MYH14: variants seen among roughly 807,000 people sequenced by gnomAD.
The protein encoded by MYH14 is myosin-14.
A neutral mutation model predicts 255.5 loss-of-function variants in MYH14; 123 were observed. The observed-to-expected ratio is 0.48, with a 90% CI of 0.42 to 0.56. The LOEUF (loss-of-function observed/expected upper bound fraction) is 0.56. Among genes scored for constraint, MYH14 ranks in the 20% least tolerant of loss-of-function variants. The pLI is 0.00. For missense variants in MYH14, 2,423 were observed against 2,802.3 expected, an observed-to-expected ratio of 0.86 and a Z score of 3.06; for synonymous variants, 1,095 against 1,161.2, an observed-to-expected ratio of 0.94 and a Z score of 1.16.
intron 16 of MYH14, among the ~76,000 whole-genome samples, chr19:50,254,165 C>T (rs1021634668): frequency 6.7e-6 from 1 of 149,320 alleles, no homozygotes; most frequent in African/African-American, 2.5e-5. Context: ...TGTGGTGAGC[C>T]GAGATCGTGC....
At chr19:50,234,526 C>T (rs574269108) in intron 10 of MYH14, among the ~76,000 whole-genome samples, 18 of 152,122 alleles carry the variant, frequency 1.2e-4, no homozygotes, top group African/African-American at 3.9e-4. Flanking sequence ...TGCAAACAGC[C>T]GGGCCTCTTG....
In MYH14 at chr19:50,292,290, G is replaced by A. The variant is rs751173560; in HGVS notation, c.5157G>A (p.Val1719=). 6.2e-6 allele frequency: 10 copies of A among 1,601,668 alleles called. No individual in the cohort carries two copies. In the Admixed American group the frequency reaches 1.7e-4, roughly 27 times the overall value. The change falls in exon 37 of 43, where the codon GTG becomes GTA. Residue 1719 remains valine, a synonymous_variant. Transcript: ENST00000642316. The stretch of plus-strand genomic sequence containing the variant: ...AGATGAAGGAGCTATGGCGGGAGGT[G>A]GAGGAGACACGCACCTCCCGGGAGG... ...QAQMKELWRE[V]EETRTSREEI...
At position 50,280,252 on chromosome 19, in the gene MYH14, A is replaced by G. The variant is rs890379302; in HGVS notation, c.4159A>G (p.Arg1387Gly). ...ACAGGAGCTGCTGCAGGAGGAGACC[A>G]GGGCGAAATTGGCCTTGGGGTCCCG... ...DAQELLQEETRAKLALGSRVR... is the reference protein window; with the variant it reads ...DAQELLQEETGAKLALGSRVR... Residue 1387 changes from arginine to glycine, a missense_variant, in exon 32 of 43, where the codon AGG becomes GGG. Arg to Gly is a moderately radical substitution (Grantham distance 125, BLOSUM62 -2). Around this residue, in one of 3 missense-constraint regions of MYH14, gnomAD observed 1,513 missense variants for 1,674.8 expected, o/e 0.90. Transcript: ENST00000642316. The surrounding 1 kb of genome is among the most constrained non-coding windows in gnomAD (Gnocchi z 4.8). 1 of 1,551,774 alleles carries G rather than the reference A, an allele frequency of 6.4e-7. No homozygotes were observed. Among genetic ancestry groups the G allele is most frequent in the Non-Finnish European group, 8.7e-7 (1 of 1,147,008 alleles).
chr19:50,288,988 A>C (rs1331281321), intron 34 of MYH14, among the ~76,000 whole-genome samples: 3 of 152,158 alleles, frequency 2.0e-5, no homozygotes, highest in Non-Finnish European at 4.4e-5. Context: ...AGAAGTAGAT[A>C]GTGGGTCGGT....
At chr19:50,232,909 T>G (rs1295058480) in intron 10 of MYH14, among the ~76,000 whole-genome samples, 1 of 151,898 alleles carries the variant, frequency 6.6e-6, no homozygotes, top group African/African-American at 2.4e-5. Context: ...GACTTTGTCC[T>G]GGGGTGCTGG....
Position 50,263,428 on chromosome 19 carries a change from C to T in MYH14, c.2694+8C>T, listed in dbSNP as rs2034962833. The stretch of plus-strand genomic sequence containing the variant: ...TGGCGGCTGTTTACCAAGGTGAGGG[C>T]AGCCTGGGGAGGTGGCCCCAGTAGG... On this transcript the variant is annotated splice_region_variant and intron_variant, in intron 22 of 42. Transcript: ENST00000642316. 2.5e-6 allele frequency: 4 copies of T among 1,583,304 alleles called. No individual in the cohort carries two copies. Among genetic ancestry groups the T allele is most frequent in the Non-Finnish European group, 2.6e-6 (3 of 1,164,628 alleles).
intron 10 of MYH14, among the ~76,000 whole-genome samples, chr19:50,234,388 CA>C (rs1429109891): frequency 6.6e-6 from 1 of 152,156 alleles, no homozygotes; most frequent in African/African-American, 2.4e-5. Context: ...TGGGCTGAGC[CA>C]GGGCCGCCTC....
chr19:50,222,852 G>C (rs569491544), intron 3 of MYH14, among the ~76,000 whole-genome samples: 1 of 152,168 alleles, frequency 6.6e-6, no homozygotes, highest in African/African-American at 2.4e-5. Context: ...TCCATTTTAC[G>C]GGTGAGGAAA....
intron 10 of MYH14, among the ~76,000 whole-genome samples, chr19:50,233,817 A>AC (rs1385579013): frequency 8.0e-5 from 9 of 111,964 alleles, no homozygotes; most frequent in East Asian, 5.5e-4. Flanking sequence ...CCTCCCCCCG[A>AC]CCCCCCCGCC....
rs760791331 is a variant in MYH14, at chr19:50,309,672, T to C, written c.5993T>C (p.Val1998Ala). 5.0e-6 allele frequency: 8 copies of C among 1,600,066 alleles called. No individual in the cohort carries two copies. The highest frequency in any genetic ancestry group is 6.8e-6 in the Non-Finnish European group (8 of 1,173,166). The change falls in exon 43 of 43, where the codon GTG becomes GCG. Residue 1998 changes from valine to alanine, a missense_variant. This residue lies in a region of MYH14 where 1,513 missense variants were observed against 1,674.8 expected (regional missense o/e 0.90). Transcript: ENST00000642316. ...RGPLTFTTRT[V>A]RQVFRLEEGV... ...CCCCTCACCTTCACCACCCGCACGG[T>C]GCGCCAGGTCTTCCGACTAGAGGAG...
chr19:50,244,138 G>A, intron 10 of MYH14, 104 bp from the exon 11 acceptor site: 1 of 888,288 alleles, frequency 1.1e-6, no homozygotes, highest in Non-Finnish European at 1.8e-6. Context: ...GAGGGGTGGT[G>A]ATATAATTTG....
intron 6 of MYH14, among the ~76,000 whole-genome samples, chr19:50,224,663 G>A (rs1015047990): frequency 6.6e-6 from 1 of 152,214 alleles, no homozygotes; most frequent in Non-Finnish European, 1.5e-5. Context: ...GCCAGGCTCT[G>A]ACACCAAGGG....
chr19:50,295,736 G>A (rs949465513), intron 39 of MYH14, among the ~76,000 whole-genome samples: 5 of 150,760 alleles, frequency 3.3e-5, no homozygotes, highest in Admixed American at 3.3e-4. Flanking sequence ...AAGCTGCAGT[G>A]AGCCATGATT....
intron 11 of MYH14, among the ~76,000 whole-genome samples, chr19:50,246,141 T>C (rs895118424): frequency 1.6e-5 from 2 of 127,996 alleles, no homozygotes; most frequent in Admixed American, 1.8e-4. Flanking sequence ...CCCTCCTTCC[T>C]TCCTTCCTTC....
rs148947975 is a variant in MYH14 at position 50,236,704 on chromosome 19, T to G, written c.1114+4634T>G. Among the ~76,000 whole-genome samples, 487 of 151,500 alleles carry G rather than the reference T, an allele frequency of 3.2e-3. 3 individuals carry two copies. The highest frequency in any genetic ancestry group is 6.6e-3 in the South Asian group (32 of 4,824). On this transcript the variant is annotated intron_variant, in intron 10 of 42. Transcript: ENST00000642316. ...GCCTGGGTGTCAGAGCAAGACTCCA[T>G]CTCAAAAAAAAAGAAAAAAAAGAAA...
In MYH14 at chr19:50,210,096, C is replaced by CAAA. The variant is rs71180680; in HGVS notation, c.-3-237_-3-235dup. Among the ~76,000 whole-genome samples the CAAA allele has an allele frequency of 4.3e-3, 259 of 59,654 alleles. 3 individuals are homozygous for CAAA. The highest frequency in any genetic ancestry group is 6.5e-3 in the Admixed American group (20 of 3,092). The allele number at this position is 59,654 out of a possible 152,430, so 39.1% of individuals were successfully genotyped here. A position where few individuals can be genotyped will look rare whatever the true frequency, so the allele number is the denominator to read the frequency against. On this transcript the variant is annotated intron_variant, in intron 1 of 42. Transcript: ENST00000642316. ...CTGGGCAACAAGCGAGACTCCGTCT[C>CAAA]AAAAAAAAAAAAAAAAAAAAAAAAA...
intron 2 of MYH14, among the ~76,000 whole-genome samples, chr19:50,211,701 G>A (rs2032202881): frequency 6.6e-6 from 1 of 152,058 alleles, no homozygotes; most frequent in Non-Finnish European, 1.5e-5. Flanking sequence ...TTGAGATGGG[G>A]CTGGGAATGG....
intron 11 of MYH14, among the ~76,000 whole-genome samples, chr19:50,246,636 C>CAA (rs1157129415): frequency 5.9e-4 from 16 of 26,974 alleles, no homozygotes; most frequent in Non-Finnish European, 7.8e-4. Context: ...CAAAACAAAA[C>CAA]AAAACAAACA....
At chr19:50,217,795 G>A (rs2032568971) in intron 3 of MYH14, 24 bp downstream of exon 3, 1 of 1,607,222 alleles carries the variant, frequency 6.2e-7, no homozygotes, top group Non-Finnish European at 8.5e-7. Flanking sequence ...GGGGCTGTAG[G>A]CCAGCGAGGC....
Sources: allele counts gnomAD v4.1 joint callset (sites outside exome capture counted in the v4.1 genomes callset), GRCh38; gene constraint gnomAD v4.1.1; regional missense constraint gnomAD v4.1.1; non-coding constraint Gnocchi (gnomAD v3.1); transcripts MANE v1.5; gene names NCBI Gene and HGNC (gene_info 2026-07-23, HGNC 2026-07-21).